GALNS: variants seen among roughly 807,000 people sequenced by gnomAD.
GALNS encodes the protein galactosamine (N-acetyl)-6-sulfatase.
GALNS carries 65 observed loss-of-function variants against 65.9 expected under a neutral mutation model. That is an observed-to-expected ratio of 0.99 (90% CI 0.81 to 1.21). GALNS has a LOEUF of 1.21. Among genes scored for constraint, GALNS ranks in the 50% most tolerant of loss-of-function variants. The probability of loss-of-function intolerance (pLI) is 0.00; values close to 1 mark genes in which losing one functional copy is unlikely to be tolerated. For synonymous variants in GALNS, 346 were observed against 288.9 expected (o/e 1.20, Z -2.00); for missense variants, 776 against 700.7 (o/e 1.11, Z -1.21).
At position 88,836,324 on chromosome 16, in the gene GALNS, C is replaced by G. The variant is rs554050435; in HGVS notation, c.567-57G>C. The G allele has an allele frequency of 3.6e-6, 5 of 1,395,802 alleles. No homozygotes were observed. The East Asian group carries it at 1.2e-4, about 32-fold the overall frequency. 86.5% of individuals were successfully genotyped at this position (1,395,802 alleles called of 1,614,324 possible). A position where few individuals can be genotyped will look rare whatever the true frequency, so the allele number is the denominator to read the frequency against. On this transcript the variant is annotated intron_variant, in intron 5 of 13. Transcript: ENST00000268695. The stretch of plus-strand genomic sequence containing the variant: ...GAATTTAGGCCAAGAAAGTCCCGTT[C>G]TCCCTGATTTCACCAGCAAAGCCAT...
At chr16:88,845,248 G>A (rs2143006867) in intron 1 of GALNS, 1 of 152,558 alleles carries the variant, frequency 6.6e-6, no homozygotes, top group East Asian at 1.9e-4. Flanking sequence ...TCGGAGTACA[G>A]TAGCCGGCAG....
chr16:88,835,388 G>C (rs1912015502), intron 7 of GALNS, 36 bp from the exon 8 acceptor site: 1 of 1,612,372 alleles, frequency 6.2e-7, no homozygotes, highest in African/African-American at 1.3e-5. Context: ...TCCATACCTG[G>C]AGGATGGTGA....
intron 1 of GALNS, among the ~76,000 whole-genome samples, chr16:88,848,757 G>C (rs2143008328): frequency 6.6e-6 from 1 of 152,270 alleles, no homozygotes; most frequent in African/African-American, 2.4e-5. Flanking sequence ...CCCTCACCGG[G>C]GGCGGGGGTG....
chr16:88,850,241 G>A (rs991789687), intron 1 of GALNS, among the ~76,000 whole-genome samples: 7 of 152,140 alleles, frequency 4.6e-5, no homozygotes, highest in Admixed American at 1.3e-4. Context: ...GGCTCCCTTC[G>A]GGCTGGGAGT....
chr16:88,840,734 G>A (rs1966925758), intron 4 of GALNS: 2 of 522,468 alleles, frequency 3.8e-6, no homozygotes, highest in African/African-American at 3.8e-5. Context: ...CTCGAGGGAT[G>A]ACGGTGACAG....
intron 10 of GALNS, among the ~76,000 whole-genome samples, chr16:88,825,914 T>C (rs745422378): frequency 1.3e-5 from 2 of 152,304 alleles, no homozygotes; most frequent in Non-Finnish European, 1.5e-5. Context: ...TTGCTTCCCG[T>C]TGAGCCTTTG....
chr16:88,819,679 A>C (rs1910000412), intron 12 of GALNS, among the ~76,000 whole-genome samples: 1 of 151,984 alleles, frequency 6.6e-6, no homozygotes, highest in African/African-American at 2.4e-5. Context: ...ACCATAGATC[A>C]CTGTGCCTGG....
At chr16:88,816,370 C>G in intron 13 of GALNS, 1 of 985,442 alleles carries the variant, frequency 1.0e-6, no homozygotes. Context: ...GCTGGTGGCC[C>G]TGGGCTCCTG....
chr16:88,850,186 T>C (rs762295836), intron 1 of GALNS, among the ~76,000 whole-genome samples: 4 of 152,130 alleles, frequency 2.6e-5, no homozygotes, highest in Admixed American at 6.5e-5. Context: ...GGGAGCAGTA[T>C]GTTTCGCCCG....
chr16:88,851,076 G>T, intron 1 of GALNS, among the ~76,000 whole-genome samples: 1 of 152,146 alleles, frequency 6.6e-6, no homozygotes, highest in East Asian at 2.0e-4. Context: ...TGCTGACCCT[G>T]TTCTTTCATT....
intron 1 of GALNS, among the ~76,000 whole-genome samples, chr16:88,849,725 T>C (rs749192771): frequency 6.6e-6 from 1 of 152,030 alleles, no homozygotes; most frequent in Admixed American, 6.5e-5. Context: ...CGCCCAGCCC[T>C]GAGATGGTTT....
At chr16:88,815,862 G>A in intron 13 of GALNS, 9 of 985,432 alleles carry the variant, frequency 9.1e-6, no homozygotes, top group Non-Finnish European at 1.1e-5. Context: ...AGTCTGGATG[G>A]GGGATCTGCA....
At chr16:88,815,369 C>T (rs1909515918) in intron 13 of GALNS, 2 of 985,366 alleles carry the variant, frequency 2.0e-6, no homozygotes, top group Non-Finnish European at 2.4e-6. Flanking sequence ...GCAGCTTCAG[C>T]CTCTCAAGAA....
In GALNS at chr16:88,814,269, G is replaced by A. The variant is rs969883390; in HGVS notation, c.*170C>T. 2.3e-4 allele frequency: 211 copies of A among 907,218 alleles called. No individual in the cohort carries two copies. The highest frequency in any genetic ancestry group is 5.1e-4 in the Admixed American group (25 of 48,682). The allele number at this position is 907,218 out of a possible 1,614,324, so 56.2% of individuals were successfully genotyped here. On this transcript the variant is annotated 3_prime_UTR_variant, in exon 14 of 14. Transcript: ENST00000268695. ...GGGCGAGGAGGAGGGCCAAGCACAC[G>A]CCAGGGTCAGGTCCTGGGCAGGTGG...
In GALNS at chr16:88,848,622, CA is replaced by C. The variant is rs1411749030; in HGVS notation, c.121-5794del. Among the ~76,000 whole-genome samples the C allele has an allele frequency of 2.0e-5, 3 of 151,526 alleles. No homozygotes were observed. In the East Asian group the frequency reaches 5.8e-4, roughly 29 times the overall value. On this transcript the variant is annotated intron_variant, in intron 1 of 13. Coordinates refer to ENST00000268695, the MANE Select transcript of GALNS (RefSeq NM_000512.5). ...GCATCCTGGTTTTCTGCAGATGGAC[CA>C]GGGGCTCCCCTGACACTGCTGGGTC...
In GALNS at chr16:88,835,732, G is replaced by A. The variant is rs1275386976; in HGVS notation, c.751C>T (p.Arg251Ter). The A allele has an allele frequency of 4.3e-6, 7 of 1,613,990 alleles. No homozygotes were observed. The highest frequency in any genetic ancestry group is 5.9e-6 in the Non-Finnish European group (7 of 1,180,002). Residue 251 changes from arginine to a stop codon, truncating the protein, a stop_gained, in exon 7 of 14, where the codon CGA (arginine) becomes TGA (stop). Coordinates refer to ENST00000268695, the MANE Select transcript of GALNS (RefSeq NM_000512.5). LOFTEE classifies it high-confidence loss of function. The part of the protein sequence containing the change: ...ASKPFLGTSQ[R>*]GRYGDAVREI... ...CATGGAGCCAGGACTCACCGCCCTCGCTGACTGGTGCCCAAGAAGGGTTTG... is the reference window on the plus strand; with the variant it reads ...CATGGAGCCAGGACTCACCGCCCTCACTGACTGGTGCCCAAGAAGGGTTTG...
At chr16:88,816,375 C>T (rs1003507075) in intron 13 of GALNS, 10 of 985,422 alleles carry the variant, frequency 1.0e-5, no homozygotes, top group Non-Finnish European at 1.2e-5. Flanking sequence ...TGGCCCTGGG[C>T]TCCTGGGGCC....
intron 8 of GALNS, among the ~76,000 whole-genome samples, 181 bp from the exon 9 acceptor site, chr16:88,832,282 G>C (rs145108662): frequency 6.6e-6 from 1 of 152,180 alleles, no homozygotes; most frequent in South Asian, 2.1e-4. Flanking sequence ...AGATGCCGCG[G>C]CTGCAAAGTC....
At chr16:88,824,382 G>A (rs895059169) in intron 11 of GALNS, among the ~76,000 whole-genome samples, 3 of 152,092 alleles carry the variant, frequency 2.0e-5, no homozygotes, top group African/African-American at 7.2e-5. Flanking sequence ...TGATGCCAAT[G>A]CTGCGGCCCC....
Sources: allele counts gnomAD v4.1 joint callset (sites outside exome capture counted in the v4.1 genomes callset), GRCh38; gene constraint gnomAD v4.1.1; transcripts MANE v1.5; gene names NCBI Gene and HGNC (gene_info 2026-07-23, HGNC 2026-07-21).